Variants in PITPNB observed in about 807,000 individuals in gnomAD.
PITPNB encodes phosphatidylinositol transfer protein beta.
A neutral mutation model predicts 45.9 loss-of-function variants in PITPNB; 16 were observed. The ratio of observed to expected loss-of-function variants is 0.35; its 90% CI spans 0.24 to 0.53. The LOEUF is 0.53. Ranked by LOEUF, PITPNB falls within the 20% of genes least tolerant of loss-of-function variation. The pLI, the probability that PITPNB is intolerant of heterozygous loss-of-function variation, is 0.93. For missense variants in PITPNB, 188 were observed against 330.5 expected (o/e 0.57, Z 3.34); for synonymous variants, 112 against 108.9 (o/e 1.03, Z -0.18).
chr22:27,857,065 G>T (rs1404202097), intron 10 of PITPNB, among the ~76,000 whole-genome samples: 1 of 152,052 alleles, frequency 6.6e-6, no homozygotes, highest in Non-Finnish European at 1.5e-5. Context: ...AATGAGGGGG[G>T]TATCTTCCAC....
In PITPNB at chr22:27,894,583, A is replaced by C; in HGVS notation, c.428T>G (p.Ile143Ser). Residue 143 changes from isoleucine to serine, a missense_variant, in exon 7 of 12, where the codon ATT (isoleucine) becomes AGT (serine). Transcript: ENST00000335272. Reference protein sequence around the residue: ...WKTVEIVHIDIADRSQVEPAD... With the variant: ...WKTVEIVHIDSADRSQVEPAD... ...TGGTTCAACTTGACTTCTATCTGCAATATCTATATGGACAATTTCAACAGT... is the reference window on the plus strand; with the variant it reads ...TGGTTCAACTTGACTTCTATCTGCACTATCTATATGGACAATTTCAACAGT... 6.3e-7 allele frequency: 1 copy of C among 1,597,068 alleles called. No individual in the cohort carries two copies. Among genetic ancestry groups the C allele is most frequent in the South Asian group, 1.1e-5 (1 of 90,670 alleles).
intron 8 of PITPNB, among the ~76,000 whole-genome samples, chr22:27,864,168 CATT>C (rs1483001428): frequency 6.6e-6 from 1 of 152,006 alleles, no homozygotes; most frequent in Non-Finnish European, 1.5e-5. Context: ...TTTTTTCAAT[CATT>C]ATTATTATTA....
rs114233911 is a variant in PITPNB, at chr22:27,917,328, G to C, written c.20+1844C>G. On this transcript the variant is annotated intron_variant, in intron 1 of 11. Coordinates refer to ENST00000335272, the MANE Select transcript of PITPNB (RefSeq NM_012399.5). ...TGTGTCTGTAACACTTTTGGAGGGA[G>C]GAAATACTCCAATGAAAGAAAAATG... 6.8e-3 allele frequency among the ~76,000 whole-genome samples: 1,039 copies of C among 152,252 alleles called. 8 individuals carry two copies. Among genetic ancestry groups the C allele is most frequent in the African/African-American group, 0.024 (991 of 41,538 alleles).
Position 27,909,829 on chromosome 22 carries a change from G to C in PITPNB, c.197+1135C>G, listed in dbSNP as rs190945243. Among the ~76,000 whole-genome samples the C allele has an allele frequency of 5.9e-3, 895 of 152,210 alleles. 6 individuals are homozygous for C. Among genetic ancestry groups the C allele is most frequent in the Non-Finnish European group, 8.6e-3 (583 of 68,010 alleles). On this transcript the variant is annotated intron_variant, in intron 3 of 11. Transcript: ENST00000335272. ...AGCGTCCATCTTGTTCTTTCGCCCA[G>C]GCTGAAGTGCAGTGATCACAGCCCA...
intron 1 of PITPNB, among the ~76,000 whole-genome samples, chr22:27,915,997 G>A (rs1358890696): frequency 6.6e-6 from 1 of 152,128 alleles, no homozygotes; most frequent in Admixed American, 6.5e-5. Context: ...TCTTTTGGGA[G>A]GCTAGGCAAG....
chr22:27,885,843 G>A (rs565335035), intron 7 of PITPNB, among the ~76,000 whole-genome samples: 3 of 152,168 alleles, frequency 2.0e-5, no homozygotes, highest in South Asian at 4.2e-4. Flanking sequence ...AAAAACATTT[G>A]CAAATTCTCT....
chr22:27,858,667 CATT>C (rs1342532380), intron 9 of PITPNB, among the ~76,000 whole-genome samples, 158 bp from the exon 10 acceptor site: 2 of 151,988 alleles, frequency 1.3e-5, no homozygotes, highest in Non-Finnish European at 2.9e-5. Context: ...ATTTAATTAT[CATT>C]GTGTCCAGCA....
rs550367501 is a variant in PITPNB at position 27,911,990 on chromosome 22, C to T, written c.52-881G>A. Among the ~76,000 whole-genome samples, 3 of 152,248 alleles carry T rather than the reference C, an allele frequency of 2.0e-5. No individual in the cohort carries two copies. In the East Asian group the frequency reaches 5.8e-4, roughly 29 times the overall value. On this transcript the variant is annotated intron_variant, in intron 2 of 11. Transcript: ENST00000335272. ...AAAGTTCTCGTGTTCTAATTTGTTA[C>T]AGTGACCCAACTGTGGCACTATCTT...
chr22:27,882,588 G>C (rs1346846011), intron 7 of PITPNB, among the ~76,000 whole-genome samples: 1 of 152,178 alleles, frequency 6.6e-6, no homozygotes, highest in African/African-American at 2.4e-5. Context: ...CTCAGAAACA[G>C]TTTAGATAAG....
chr22:27,900,010 C>T (rs1935547386), intron 3 of PITPNB, among the ~76,000 whole-genome samples: 1 of 151,984 alleles, frequency 6.6e-6, no homozygotes, highest in East Asian at 1.9e-4. Flanking sequence ...CGAGACCAGC[C>T]TGGCCAACAT....
At chr22:27,894,274 A>T in intron 7 of PITPNB, 1 of 257,248 alleles carries the variant, frequency 3.9e-6, no homozygotes, top group Middle Eastern at 1.2e-3. Context: ...TTTGTTTTTC[A>T]ATGAAAACAA....
intron 3 of PITPNB, among the ~76,000 whole-genome samples, chr22:27,907,689 C>A (rs936684336): frequency 2.0e-5 from 3 of 152,072 alleles, no homozygotes; most frequent in Non-Finnish European, 2.9e-5. Flanking sequence ...CCCAGCAGAT[C>A]CCCTCTCTCC....
intron 2 of PITPNB, among the ~76,000 whole-genome samples, chr22:27,912,324 T>C (rs1326865006): frequency 1.3e-5 from 2 of 152,200 alleles, no homozygotes; most frequent in African/African-American, 4.8e-5. Flanking sequence ...CAAACATATT[T>C]CTTAAATGCT....
intron 7 of PITPNB, among the ~76,000 whole-genome samples, chr22:27,874,410 C>T (rs181254025): frequency 1.3e-5 from 2 of 152,272 alleles, no homozygotes; most frequent in African/African-American, 2.4e-5. Flanking sequence ...ACTGCACTCA[C>T]GTCATCCCCT....
chr22:27,858,486 G>A lies in PITPNB; in HGVS notation c.669C>T (p.Asn223=), dbSNP rs1345218559. Residue 223 remains asparagine, a synonymous_variant, in exon 10 of 12, where the codon AAC becomes AAT. Transcript: ENST00000335272. ...TCCAACAAAAAAGCTGGCGATGGAAGTTTGTAAATATCCGTTTTTCTTGCT... is the reference window on the plus strand; with the variant it reads ...TCCAACAAAAAAGCTGGCGATGGAAATTTGTAAATATCCGTTTTTCTTGCT... ...IQKQEKRIFT[N]FHRQLFCWID... 2 of 1,611,126 alleles carry A rather than the reference G, an allele frequency of 1.2e-6. No individual in the cohort carries two copies. The highest frequency in any genetic ancestry group is 2.7e-5 in the African/African-American group (2 of 74,822).
chr22:27,897,535 G>A (rs990469840), intron 4 of PITPNB, among the ~76,000 whole-genome samples: 18 of 152,176 alleles, frequency 1.2e-4, no homozygotes, highest in African/African-American at 4.1e-4. Flanking sequence ...GAGTGTAAAC[G>A]ACCTTTCTTT....
intron 3 of PITPNB, 76 bp from the exon 4 acceptor site, chr22:27,897,968 G>A: frequency 2.0e-6 from 2 of 1,000,054 alleles, no homozygotes; most frequent in South Asian, 2.6e-5. Context: ...CTGCTTGAAA[G>A]AGTATGGCAA....
At chr22:27,899,425 C>T (rs1192613903) in intron 3 of PITPNB, among the ~76,000 whole-genome samples, 1 of 152,110 alleles carries the variant, frequency 6.6e-6, no homozygotes. Flanking sequence ...TGGGTTCACG[C>T]CATTCTCCTG....
chr22:27,914,864 T>C (rs1936032499), intron 1 of PITPNB, among the ~76,000 whole-genome samples: 2 of 152,220 alleles, frequency 1.3e-5, no homozygotes, highest in South Asian at 4.1e-4. Flanking sequence ...TAAGGAGTCG[T>C]GTAGAATTAG....
Sources: allele counts gnomAD v4.1 joint callset (sites outside exome capture counted in the v4.1 genomes callset), GRCh38; gene constraint gnomAD v4.1.1; transcripts MANE v1.5; gene names NCBI Gene and HGNC (gene_info 2026-07-23, HGNC 2026-07-21).